The following PHLPP1 variants were observed in gnomAD, a reference collection of about 807,000 sequenced individuals.
PHLPP1 encodes the protein PH domain leucine-rich repeat-containing protein phosphatase 1.
Under a neutral mutation model 117.2 loss-of-function variants are expected in PHLPP1, and 42 were observed. The ratio of observed to expected loss-of-function variants is 0.36; its 90% confidence interval spans 0.28 to 0.46. The LOEUF is 0.46. Among genes scored for constraint, PHLPP1 ranks in the 20% least tolerant of loss-of-function variants. The probability of loss-of-function intolerance (pLI) is 1.00; values close to 1 mark genes in which losing one functional copy is unlikely to be tolerated. For missense variants in PHLPP1, 2,084 were observed against 2,241.9 expected (o/e 0.93, Z 1.42); for synonymous variants, 1,042 against 970.7 (o/e 1.07, Z -1.37).
chr18:62,970,155 A>G (rs985529399), intron 14 of PHLPP1, among the ~76,000 whole-genome samples: 16 of 151,864 alleles, frequency 1.1e-4, no homozygotes, highest in African/African-American at 3.6e-4. Flanking sequence ...TTATAGTGTG[A>G]TATTTAACTC....
At chr18:62,949,537 T>TC (rs1168708930) in intron 12 of PHLPP1, among the ~76,000 whole-genome samples, 1 of 152,212 alleles carries the variant, frequency 6.6e-6, no homozygotes, top group African/African-American at 2.4e-5. Context: ...TTATGTAAGT[T>TC]ATTAGTAGGA....
At chr18:62,960,784 T>G (rs1276593492) in intron 13 of PHLPP1, among the ~76,000 whole-genome samples, 1 of 152,224 alleles carries the variant, frequency 6.6e-6, no homozygotes, top group Admixed American at 6.5e-5. Context: ...ATTCACTTAC[T>G]CAGACCAAAG....
chr18:62,846,345 GTATGAGTTAGTA>G (rs1915183515), intron 3 of PHLPP1, among the ~76,000 whole-genome samples: 1 of 152,006 alleles, frequency 6.6e-6, no homozygotes, highest in Non-Finnish European at 1.5e-5. Context: ...GAAATTTAGT[GTATGAGTTAGTA>G]TATGAGATAT....
chr18:62,882,524 G>T (rs1916195113), intron 4 of PHLPP1, among the ~76,000 whole-genome samples: 1 of 152,124 alleles, frequency 6.6e-6, no homozygotes, highest in African/African-American at 2.4e-5. Flanking sequence ...CTCCCAAAGT[G>T]CTGGGATTAC....
chr18:62,726,138 G>C (rs748736448), intron 1 of PHLPP1, among the ~76,000 whole-genome samples: 3 of 151,430 alleles, frequency 2.0e-5, no homozygotes, highest in East Asian at 3.9e-4. Context: ...ACACACACAC[G>C]CATGTTCTCC....
At chr18:62,729,505 C>A (rs139199905) in intron 1 of PHLPP1, among the ~76,000 whole-genome samples, 1 of 152,112 alleles carries the variant, frequency 6.6e-6, no homozygotes, top group African/African-American at 2.4e-5. Flanking sequence ...GAGACCCTGT[C>A]CCTACTAAAA....
intron 1 of PHLPP1, among the ~76,000 whole-genome samples, chr18:62,786,957 T>C (rs908323250): frequency 2.0e-5 from 3 of 152,224 alleles, no homozygotes; most frequent in African/African-American, 7.2e-5. Context: ...AATTTGCAAA[T>C]ACTTTCCCCA....
At chr18:62,861,978 T>G (rs1442651093) in intron 4 of PHLPP1, among the ~76,000 whole-genome samples, 1 of 152,262 alleles carries the variant, frequency 6.6e-6, no homozygotes, top group Non-Finnish European at 1.5e-5. Flanking sequence ...TGTTGGTCAT[T>G]TGGAGAGTAC....
At chr18:62,761,982 G>C (rs991058069) in intron 1 of PHLPP1, among the ~76,000 whole-genome samples, 2 of 152,156 alleles carry the variant, frequency 1.3e-5, no homozygotes, top group African/African-American at 2.4e-5. Context: ...ATTATAATTA[G>C]ATGATCTTAA....
At chr18:62,807,405 T>G (rs1172384629) in intron 1 of PHLPP1, among the ~76,000 whole-genome samples, 1 of 152,364 alleles carries the variant, frequency 6.6e-6, no homozygotes, top group Non-Finnish European at 1.5e-5. Flanking sequence ...GTATTTGCTC[T>G]AAGGCTTATG....
Position 62,715,730 on chromosome 18 carries a change from G to T in PHLPP1, c.47G>T (p.Gly16Val), listed in dbSNP as rs1044588713. Residue 16 changes from glycine to valine, a missense_variant, in exon 1 of 17, where the codon GGC (glycine) becomes GTC (valine). By Grantham distance (109) the Gly-to-Val change is moderately radical. This residue lies in a region of PHLPP1 where 719 missense variants were observed against 636.0 expected (regional missense o/e 1.13). Coordinates refer to ENST00000262719, the MANE Select transcript of PHLPP1 (RefSeq NM_194449.4). The part of the protein sequence containing the change: ...AATVQRLPEL[G>V]REDRASAPAA... The stretch of plus-strand genomic sequence containing the variant: ...ACGGTACAGCGACTCCCCGAGCTCG[G>T]CAGGGAGGACCGAGCTTCGGCTCCG... The T allele has an allele frequency of 1.6e-6, 2 of 1,247,342 alleles. No individual in the cohort carries two copies. Among genetic ancestry groups the T allele is most frequent in the African/African-American group, 1.6e-5 (1 of 63,924 alleles). The allele number at this position is 1,247,342 out of a possible 1,614,324, so 77.3% of individuals were successfully genotyped here.
chr18:62,855,016 A>G (rs1158212585), intron 3 of PHLPP1, among the ~76,000 whole-genome samples: 1 of 152,004 alleles, frequency 6.6e-6, no homozygotes, highest in Non-Finnish European at 1.5e-5. Context: ...TGCTTTTTAA[A>G]CTAAATGGCC....
At chr18:62,898,366 T>G (rs546200919) in intron 6 of PHLPP1, among the ~76,000 whole-genome samples, 2 of 152,246 alleles carry the variant, frequency 1.3e-5, no homozygotes, top group South Asian at 2.1e-4. Context: ...ACACAACTCT[T>G]GGCTGATTCT....
chr18:62,824,596 T>C (rs1345076258), intron 1 of PHLPP1, among the ~76,000 whole-genome samples: 1 of 152,118 alleles, frequency 6.6e-6, no homozygotes, highest in African/African-American at 2.4e-5. Context: ...TCTTATTTTA[T>C]ACTTTATGTA....
intron 12 of PHLPP1, among the ~76,000 whole-genome samples, chr18:62,946,809 T>C (rs1020143063): frequency 1.3e-5 from 2 of 152,112 alleles, no homozygotes; most frequent in African/African-American, 4.8e-5. Context: ...ATCCCAGCAC[T>C]TTGGGAGGCC....
Position 62,761,194 on chromosome 18 carries a change from A to G in PHLPP1, c.1576+43935A>G, listed in dbSNP as rs116988973. Among the ~76,000 whole-genome samples the G allele has an allele frequency of 7.0e-4, 107 of 152,252 alleles. 2 individuals carry two copies. The East Asian group carries it at 0.019, about 26-fold the overall frequency. ...CTGGCATTTTTAATAACAATGCTGC[A>G]TATGTGCAGACTCTCTGGAGATCGA... On this transcript the variant is annotated intron_variant, in intron 1 of 16. Transcript: ENST00000262719.
intron 1 of PHLPP1, among the ~76,000 whole-genome samples, chr18:62,745,385 TTGAA>T (rs1399448564): frequency 2.0e-5 from 3 of 152,234 alleles, no homozygotes; most frequent in South Asian, 2.1e-4. Flanking sequence ...AAAATGTAGT[TTGAA>T]TGACTCCAAA....
intron 4 of PHLPP1, among the ~76,000 whole-genome samples, chr18:62,893,087 G>C (rs1287123884): frequency 6.6e-6 from 1 of 151,450 alleles, no homozygotes; most frequent in Non-Finnish European, 1.5e-5. Flanking sequence ...TATCGCCCAG[G>C]CTGGAGTGCA....
At chr18:62,956,321 A>G (rs1359826132) in intron 12 of PHLPP1, among the ~76,000 whole-genome samples, 1 of 152,218 alleles carries the variant, frequency 6.6e-6, no homozygotes, top group Non-Finnish European at 1.5e-5. Context: ...TGTCAGGTGC[A>G]AAGAGTGAAC....
Sources: allele counts gnomAD v4.1 joint callset (sites outside exome capture counted in the v4.1 genomes callset), GRCh38; gene constraint gnomAD v4.1.1; regional missense constraint gnomAD v4.1.1; transcripts MANE v1.5; gene names NCBI Gene and HGNC (gene_info 2026-07-23, HGNC 2026-07-21).